Variants in PCDHGA4 observed in about 807,000 individuals in gnomAD.
PCDHGA4 encodes protocadherin gamma subfamily A, 4, also known as protocadherin gamma-A4.
Under a neutral mutation model 54.6 loss-of-function variants are expected in PCDHGA4, and 38 were observed. That is an observed-to-expected ratio of 0.70 (90% CI 0.54 to 0.91). PCDHGA4 has a LOEUF of 0.91. Among genes scored for constraint, PCDHGA4 ranks in the 40% least tolerant of loss-of-function variants. The probability of loss-of-function intolerance (pLI) is 0.00; values close to 1 mark genes in which losing one functional copy is unlikely to be tolerated. For missense variants in PCDHGA4, 1,298 were observed against 1,220.9 expected (o/e 1.06, Z -0.94); for synonymous variants, 511 against 512.9 (o/e 1.00, Z 0.05).
At chr5:141,376,108 G>T in intron 1 of PCDHGA4, 2 of 1,613,770 alleles carry the variant, frequency 1.2e-6, no homozygotes, top group Non-Finnish European at 1.7e-6. Flanking sequence ...TGGCCGACCT[G>T]GGCAGCCTCG....
chr5:141,364,807 T>A, intron 1 of PCDHGA4: 1 of 1,614,018 alleles, frequency 6.2e-7, no homozygotes, highest in Non-Finnish European at 8.5e-7. Flanking sequence ...TCGCGCGGGA[T>A]GCGGATGTGG....
intron 1 of PCDHGA4, chr5:141,364,262 CG>C: frequency 1.3e-6 from 2 of 1,504,192 alleles, no homozygotes; most frequent in Non-Finnish European, 1.8e-6. Flanking sequence ...ATGTACCCAT[CG>C]GCTTTAGATA....
chr5:141,464,138 G>A (rs62379197), intron 1 of PCDHGA4, among the ~76,000 whole-genome samples: 42,814 of 151,688 alleles, frequency 0.28, 6,814 homozygotes, highest in African/African-American at 0.44. Context: ...GGTGGTGGGC[G>A]CCTGTAGTCC....
chr5:141,504,224 C>T (rs2099836716), intron 2 of PCDHGA4, among the ~76,000 whole-genome samples: 2 of 152,160 alleles, frequency 1.3e-5, no homozygotes, highest in African/African-American at 4.8e-5. Flanking sequence ...TAGAGCTGAA[C>T]CTTCTAAGAA....
At position 141,486,370 on chromosome 5, in the gene PCDHGA4, T is replaced by C. The variant is rs755925357; in HGVS notation, c.2515-8437T>C. Reference sequence around the variant, plus strand: ...ACCACTTGCCATTTGCCCTCAAGTCTGCCTTCAGGAACCAGTTCTCCCTGG... The same window carrying C: ...ACCACTTGCCATTTGCCCTCAAGTCCGCCTTCAGGAACCAGTTCTCCCTGG... On this transcript the variant is annotated intron_variant, in intron 1 of 3. Coordinates refer to ENST00000571252, the MANE Select transcript of PCDHGA4 (RefSeq NM_018917.4). The surrounding 1 kb of genome is among the most constrained non-coding windows in gnomAD (Gnocchi z 5.0). 8 of 1,613,988 alleles carry C rather than the reference T, an allele frequency of 5.0e-6. No individual in the cohort carries two copies. The Admixed American group carries it at 1.3e-4, about 27-fold the overall frequency.
rs746913952 is a variant in PCDHGA4, at chr5:141,432,898, G to A, written c.2515-61909G>A. The A allele has an allele frequency of 1.2e-6, 2 of 1,614,174 alleles. No homozygotes were observed. Among genetic ancestry groups the A allele is most frequent in the South Asian group, 1.1e-5 (1 of 91,090 alleles). On this transcript the variant is annotated intron_variant, in intron 1 of 3. Transcript: ENST00000571252. This position sits in a 1 kb window ranked among gnomAD's most constrained non-coding sequence, Gnocchi z 6.0. ...TGGCCTTCGTCATCTTGCTGCTGGC[G>A]CTCAGGCTGCGGCGCTGGCACAAGT...
chr5:141,390,723 A>G (rs2092214355), intron 1 of PCDHGA4: 1 of 196,804 alleles, frequency 5.1e-6, no homozygotes, highest in Non-Finnish European at 1.0e-5. Context: ...TAACTAATTT[A>G]ACTGGTATGG....
At chr5:141,461,178 G>A (rs2154567263) in intron 1 of PCDHGA4, among the ~76,000 whole-genome samples, 1 of 152,144 alleles carries the variant, frequency 6.6e-6, no homozygotes, top group East Asian at 1.9e-4. Context: ...TGGATTGAAT[G>A]GTAGATCTGT....
intron 1 of PCDHGA4, among the ~76,000 whole-genome samples, chr5:141,454,932 C>T (rs945154196): frequency 1.3e-5 from 2 of 150,768 alleles, no homozygotes; most frequent in African/African-American, 2.4e-5. Context: ...CTCAGCCTCC[C>T]GAGTAGCTGG....
At chr5:141,399,628 G>C in intron 1 of PCDHGA4, 1 of 1,613,890 alleles carries the variant, frequency 6.2e-7, no homozygotes, top group Non-Finnish European at 8.5e-7. Flanking sequence ...GGCCTCTTAC[G>C]TGTCCATGAG....
intron 1 of PCDHGA4, among the ~76,000 whole-genome samples, chr5:141,481,478 T>C (rs2099538352): frequency 6.6e-6 from 1 of 152,232 alleles, no homozygotes; most frequent in African/African-American, 2.4e-5. Context: ...GATTATACAC[T>C]TTAAATATGT....
At chr5:141,427,901 G>C (rs2097088177) in intron 1 of PCDHGA4, 6 of 1,572,234 alleles carry the variant, frequency 3.8e-6, no homozygotes, top group East Asian at 2.2e-5. Flanking sequence ...GCTCGCCCGC[G>C]CTCAGCGCCA....
At chr5:141,463,587 T>TA (rs2099064735) in intron 1 of PCDHGA4, among the ~76,000 whole-genome samples, 1 of 152,058 alleles carries the variant, frequency 6.6e-6, no homozygotes, top group East Asian at 1.9e-4. Context: ...TAGCTGGGAC[T>TA]ACAGGTGCCT....
At chr5:141,394,259 G>T (rs1367261725) in intron 1 of PCDHGA4, 3 of 1,613,936 alleles carry the variant, frequency 1.9e-6, no homozygotes, top group African/African-American at 2.7e-5. Context: ...CCGACAGCCA[G>T]GAGAATGCCC....
chr5:141,431,726 G>C lies in PCDHGA4; in HGVS notation c.2515-63081G>C. On this transcript the variant is annotated intron_variant, in intron 1 of 3. Coordinates refer to ENST00000571252, the MANE Select transcript of PCDHGA4 (RefSeq NM_018917.4). The surrounding 1 kb of genome is among the most constrained non-coding windows in gnomAD (Gnocchi z 4.8). ...CTACCAGATGGAAGTGCAAGCAATG[G>C]ATAATGCAGGATATTCTGCGCGAGC... The C allele has an allele frequency of 6.2e-7, 1 of 1,614,204 alleles. No homozygotes were observed. Among genetic ancestry groups the C allele is most frequent in the Non-Finnish European group, 8.5e-7 (1 of 1,180,032 alleles).
intron 1 of PCDHGA4, chr5:141,395,272 G>C (rs750503990): frequency 6.5e-7 from 1 of 1,544,348 alleles, no homozygotes; most frequent in Admixed American, 2.1e-5. Context: ...TTAATTTCCA[G>C]ATGAATTTTA....
Position 141,476,836 on chromosome 5 carries a change from T to G in PCDHGA4, c.2515-17971T>G. 1 of 1,613,652 alleles carries G rather than the reference T, an allele frequency of 6.2e-7. No homozygotes were observed. The highest frequency in any genetic ancestry group is 8.5e-7 in the Non-Finnish European group (1 of 1,180,042). On this transcript the variant is annotated intron_variant, in intron 1 of 3. Coordinates refer to ENST00000571252, the MANE Select transcript of PCDHGA4 (RefSeq NM_018917.4). The surrounding 1 kb of genome is among the most constrained non-coding windows in gnomAD (Gnocchi z 7.6). ...TCAAGGTGCTGGACGCGAATGACAATGCGCCTGTCTTCAACCAGTCCTTGT... is the reference window on the plus strand; with the variant it reads ...TCAAGGTGCTGGACGCGAATGACAAGGCGCCTGTCTTCAACCAGTCCTTGT...
At position 141,487,915 on chromosome 5, in the gene PCDHGA4, G is replaced by T; in HGVS notation, c.2515-6892G>T. The T allele has an allele frequency of 1.5e-6, 1 of 655,128 alleles. No homozygotes were observed. Among genetic ancestry groups the T allele is most frequent in the Middle Eastern group, 3.5e-4 (1 of 2,862 alleles). The allele number at this position is 655,128 out of a possible 1,614,324, so 40.6% of individuals were successfully genotyped here. ...GATGATGGAATGTGGGAGCACAGGA[G>T]GCTACAGTGCACAGGGTACAGTGCA... On this transcript the variant is annotated intron_variant, in intron 1 of 3. Coordinates refer to ENST00000571252, the MANE Select transcript of PCDHGA4 (RefSeq NM_018917.4). This position sits in a 1 kb window ranked among gnomAD's most constrained non-coding sequence, Gnocchi z 5.0.
At chr5:141,411,394 A>AC (rs958605809) in intron 1 of PCDHGA4, 4 of 151,570 alleles carry the variant, frequency 2.6e-5, no homozygotes, top group South Asian at 2.1e-4. Context: ...ATATAGGGAG[A>AC]CCCCCCATCT....
Sources: allele counts gnomAD v4.1 joint callset (sites outside exome capture counted in the v4.1 genomes callset), GRCh38; gene constraint gnomAD v4.1.1; non-coding constraint Gnocchi (gnomAD v3.1); transcripts MANE v1.5; gene names NCBI Gene and HGNC (gene_info 2026-07-23, HGNC 2026-07-21).